The following PALS1 variants were observed in gnomAD, a reference collection of about 807,000 sequenced individuals.
PALS1 encodes protein associated with LIN7 1, MAGUK p55 family member.
Under a neutral mutation model 78.9 loss-of-function variants are expected in PALS1, and 31 were observed. The ratio of observed to expected loss-of-function variants is 0.39; its 90% CI spans 0.30 to 0.53. The LOEUF is 0.53. Among genes scored for constraint, PALS1 ranks in the 20% least tolerant of loss-of-function variants. PALS1 has a pLI of 0.67. For missense variants in PALS1, 704 were observed against 826.5 expected (o/e 0.85, Z 1.82); for synonymous variants, 276 against 270.9 (o/e 1.02, Z -0.18).
At chr14:67,250,017 C>G (rs1326402652) in intron 1 of PALS1, among the ~76,000 whole-genome samples, 1 of 152,072 alleles carries the variant, frequency 6.6e-6, no homozygotes, top group Non-Finnish European at 1.5e-5. Flanking sequence ...GAGTTTCTAT[C>G]AAGATAAAGC....
In PALS1 at chr14:67,320,317, G is replaced by T. The variant is rs1334460396; in HGVS notation, c.1457G>T (p.Gly486Val). ...ANRKRPIILI[G>V]PQNCGQNELR... ...AGGAAGAGACCTATCATCTTGATTGGTCCACAGAACTGTGGCCAGAATGAA... is the reference window on the plus strand; with the variant it reads ...AGGAAGAGACCTATCATCTTGATTGTTCCACAGAACTGTGGCCAGAATGAA... The change falls in exon 12 of 15, where the codon GGT becomes GTT. Residue 486 changes from glycine to valine, a missense_variant. Physicochemically the swap from Gly to Val is moderately radical, Grantham distance 109. Coordinates refer to ENST00000261681, the MANE Select transcript of PALS1 (RefSeq NM_022474.4). 1.2e-6 allele frequency: 2 copies of T among 1,613,790 alleles called. No homozygotes were observed. Among genetic ancestry groups the T allele is most frequent in the Non-Finnish European group, 1.7e-6 (2 of 1,179,900 alleles).
chr14:67,253,671 C>T (rs1291182063), intron 1 of PALS1, among the ~76,000 whole-genome samples: 3 of 151,834 alleles, frequency 2.0e-5, no homozygotes, highest in Admixed American at 2.0e-4. Flanking sequence ...ATAGTGGGAC[C>T]CTGTACCTAC....
chr14:67,262,462 G>T (rs766327505), intron 1 of PALS1, among the ~76,000 whole-genome samples: 2 of 152,084 alleles, frequency 1.3e-5, no homozygotes, highest in African/African-American at 2.4e-5. Context: ...TTAAAACTCT[G>T]TTTGGCTCCT....
chr14:67,304,996 G>A (rs887332560), intron 8 of PALS1, among the ~76,000 whole-genome samples: 3 of 152,072 alleles, frequency 2.0e-5, no homozygotes, highest in South Asian at 4.1e-4. Flanking sequence ...CAGAACATAC[G>A]GAAGTTGATA....
chr14:67,328,044 TGA>T (rs916382679), intron 14 of PALS1, among the ~76,000 whole-genome samples: 41 of 152,340 alleles, frequency 2.7e-4, no homozygotes, highest in Middle Eastern at 6.8e-3. Context: ...TCTAGATCCT[TGA>T]GGAATCACCA....
intron 2 of PALS1, chr14:67,270,747 A>G (rs1168168879): frequency 6.6e-6 from 1 of 152,222 alleles, no homozygotes; most frequent in Non-Finnish European, 1.5e-5. Flanking sequence ...AGGATACAGT[A>G]TAATGTTTCT....
chr14:67,249,144 T>A (rs1286837583), intron 1 of PALS1, among the ~76,000 whole-genome samples: 2 of 152,046 alleles, frequency 1.3e-5, no homozygotes. Flanking sequence ...TGTATTTTTG[T>A]GGAGATGGGG....
chr14:67,314,196 G>T (rs1036556559), intron 9 of PALS1, among the ~76,000 whole-genome samples: 32 of 145,242 alleles, frequency 2.2e-4, no homozygotes, highest in African/African-American at 8.7e-4. Flanking sequence ...AAGAAGAAAA[G>T]GAGGGCATGA....
chr14:67,316,970 C>A, intron 10 of PALS1, 67 bp downstream of exon 10: 2 of 1,267,470 alleles, frequency 1.6e-6, no homozygotes, highest in Non-Finnish European at 2.3e-6. Context: ...ATGTGTGAAT[C>A]TGCATATTAG....
At chr14:67,293,358 G>A (rs754273966) in intron 4 of PALS1, among the ~76,000 whole-genome samples, 5 of 151,982 alleles carry the variant, frequency 3.3e-5, no homozygotes, top group South Asian at 2.1e-4. Flanking sequence ...TTATTCTAGC[G>A]TTTTAAGTTA....
At chr14:67,297,178 A>C (rs2084868284) in intron 4 of PALS1, among the ~76,000 whole-genome samples, 1 of 152,246 alleles carries the variant, frequency 6.6e-6, no homozygotes, top group South Asian at 2.1e-4. Context: ...ATTGCCATTT[A>C]AGTCTTGAAT....
At chr14:67,307,265 G>A (rs535626066) in intron 8 of PALS1, among the ~76,000 whole-genome samples, 6 of 152,020 alleles carry the variant, frequency 3.9e-5, no homozygotes, top group African/African-American at 1.4e-4. Context: ...GGAAGGATTG[G>A]ATTTCCCAGA....
chr14:67,327,232 A>G (rs1371743464), intron 14 of PALS1, among the ~76,000 whole-genome samples: 1 of 152,172 alleles, frequency 6.6e-6, no homozygotes, highest in African/African-American at 2.4e-5. Context: ...ACATTCATAA[A>G]GTCTTTTTGT....
chr14:67,328,304 C>T (rs1455758078), intron 14 of PALS1, among the ~76,000 whole-genome samples: 5 of 152,246 alleles, frequency 3.3e-5, no homozygotes, highest in South Asian at 2.1e-4. Context: ...CTGTTCATAT[C>T]CTTTGCCCAC....
intron 8 of PALS1, 108 bp from the exon 9 acceptor site, chr14:67,312,418 AT>A (rs571516400): frequency 1.3e-6 from 1 of 783,772 alleles, no homozygotes; most frequent in East Asian, 3.1e-5. Context: ...TCTCTATTAA[AT>A]TTTTTTAAAA....
At chr14:67,265,850 C>G (rs1334278415) in intron 1 of PALS1, among the ~76,000 whole-genome samples, 1 of 147,222 alleles carries the variant, frequency 6.8e-6, no homozygotes, top group Non-Finnish European at 1.5e-5. Context: ...GAGTGAGACT[C>G]CATCTCAAAA....
intron 7 of PALS1, among the ~76,000 whole-genome samples, chr14:67,302,816 CTCAT>C (rs1483767180): frequency 7.0e-6 from 1 of 143,110 alleles, no homozygotes; most frequent in Non-Finnish European, 1.6e-5. Flanking sequence ...AGTAATATAA[CTCAT>C]TAATTCACTC....
At chr14:67,264,049 A>C (rs2084278020) in intron 1 of PALS1, among the ~76,000 whole-genome samples, 2 of 152,286 alleles carry the variant, frequency 1.3e-5, no homozygotes, top group South Asian at 4.1e-4. Context: ...CTACAGGTGC[A>C]TGCCATGGCA....
At chr14:67,313,942 G>T (rs1056492209) in intron 9 of PALS1, among the ~76,000 whole-genome samples, 1 of 149,772 alleles carries the variant, frequency 6.7e-6, no homozygotes, top group Non-Finnish European at 1.5e-5. Context: ...AATAAAAGAT[G>T]ATTTTAAAAG....
Sources: allele counts gnomAD v4.1 joint callset (sites outside exome capture counted in the v4.1 genomes callset), GRCh38; gene constraint gnomAD v4.1.1; transcripts MANE v1.5; gene names NCBI Gene and HGNC (gene_info 2026-07-23, HGNC 2026-07-21).